The following MACROD2 variants were observed in gnomAD, a reference collection of about 807,000 sequenced individuals.
MACROD2 encodes the protein mono-ADP ribosylhydrolase 2.
In MACROD2, 36 loss-of-function variants were observed where a neutral mutation model predicts 70.4. The ratio of observed to expected loss-of-function variants is 0.51; its 90% CI spans 0.39 to 0.68. The LOEUF is 0.68. Ranked by LOEUF, MACROD2 falls within the 30% of genes least tolerant of loss-of-function variation. The pLI, the probability that MACROD2 is intolerant of heterozygous loss-of-function variation, is 0.00. For synonymous variants in MACROD2, 172 were observed against 178.8 expected, an observed-to-expected ratio of 0.96 and a Z score of 0.30; for missense variants, 496 against 538.4, an observed-to-expected ratio of 0.92 and a Z score of 0.78.
At chr20:14,481,478 G>A (rs34955232) in intron 3 of MACROD2, among the ~76,000 whole-genome samples, 22,758 of 151,994 alleles carry the variant, frequency 0.15, 2,415 homozygotes, top group Non-Finnish European at 0.22. Context: ...AAGGTATGGC[G>A]AAATATTTAA....
At chr20:14,413,747 A>AGG (rs2083773643) in intron 3 of MACROD2, among the ~76,000 whole-genome samples, 1 of 152,190 alleles carries the variant, frequency 6.6e-6, no homozygotes, top group South Asian at 2.1e-4. Context: ...AGAGTTCAGC[A>AGG]TGACAGAAGT....
chr20:15,651,312 C>G (rs1037024199), intron 8 of MACROD2, among the ~76,000 whole-genome samples: 1 of 152,158 alleles, frequency 6.6e-6, no homozygotes, highest in Non-Finnish European at 1.5e-5. Flanking sequence ...AAGCACAGCA[C>G]GCAAACTGCT....
intron 5 of MACROD2, among the ~76,000 whole-genome samples, chr20:14,967,622 T>G (rs1056960946): frequency 1.3e-4 from 20 of 152,210 alleles, no homozygotes; most frequent in African/African-American, 4.8e-4. Flanking sequence ...CAAATTAGAC[T>G]TAAATGTAAT....
chr20:15,655,695 A>G (rs1159173037), intron 8 of MACROD2, among the ~76,000 whole-genome samples: 1 of 152,206 alleles, frequency 6.6e-6, no homozygotes, highest in Non-Finnish European at 1.5e-5. Context: ...TTATTATTTA[A>G]TCTGTCAAGG....
chr20:14,859,100 G>A (rs2073286934), intron 5 of MACROD2, among the ~76,000 whole-genome samples: 1 of 151,964 alleles, frequency 6.6e-6, no homozygotes, highest in South Asian at 2.1e-4. Flanking sequence ...GGGGTGAGCG[G>A]TAAAAGACTA....
At chr20:14,019,777 G>A (rs2053047045) in intron 2 of MACROD2, among the ~76,000 whole-genome samples, 2 of 152,204 alleles carry the variant, frequency 1.3e-5, no homozygotes, top group South Asian at 2.1e-4. Flanking sequence ...TTTGCAATCC[G>A]AAAAGGCCAA....
chr20:15,494,282 C>T (rs1358534811), intron 7 of MACROD2, among the ~76,000 whole-genome samples: 7 of 152,056 alleles, frequency 4.6e-5, no homozygotes, highest in Non-Finnish European at 8.8e-5. Context: ...CAGAATCTCC[C>T]AGAGTCAAGC....
chr20:14,018,805 C>T (rs2053028454), intron 2 of MACROD2, among the ~76,000 whole-genome samples: 1 of 152,162 alleles, frequency 6.6e-6, no homozygotes, highest in Admixed American at 6.5e-5. Flanking sequence ...GGGCTTGCTG[C>T]CCAGTGTGCA....
At chr20:14,480,661 T>C (rs1455028526) in intron 3 of MACROD2, among the ~76,000 whole-genome samples, 4 of 152,212 alleles carry the variant, frequency 2.6e-5, no homozygotes, top group African/African-American at 9.6e-5. Flanking sequence ...AACTAATCTC[T>C]ATTATAGAAT....
At chr20:15,123,638 T>G (rs1161816036) in intron 5 of MACROD2, among the ~76,000 whole-genome samples, 1 of 152,108 alleles carries the variant, frequency 6.6e-6, no homozygotes, top group East Asian at 1.9e-4. Context: ...CTAAAAAAAT[T>G]GAAATCACGT....
chr20:15,453,767 C>G (rs1333904144), intron 7 of MACROD2, among the ~76,000 whole-genome samples: 1 of 152,154 alleles, frequency 6.6e-6, no homozygotes, highest in African/African-American at 2.4e-5. Flanking sequence ...TTCTCCTGTC[C>G]TAAAAAGCAC....
At chr20:15,106,379 G>A (rs1426929350) in intron 5 of MACROD2, among the ~76,000 whole-genome samples, 1 of 151,894 alleles carries the variant, frequency 6.6e-6, no homozygotes, top group African/African-American at 2.4e-5. Flanking sequence ...TTAGTTTCTC[G>A]GTAAGCTTTC....
chr20:14,047,023 C>T (rs899685030), intron 2 of MACROD2, among the ~76,000 whole-genome samples: 1 of 151,906 alleles, frequency 6.6e-6, no homozygotes, highest in Non-Finnish European at 1.5e-5. Flanking sequence ...AATGAATACC[C>T]TTACAAATAT....
chr20:15,104,086 T>A (rs2075893184), intron 5 of MACROD2, among the ~76,000 whole-genome samples: 1 of 151,850 alleles, frequency 6.6e-6, no homozygotes, highest in Non-Finnish European at 1.5e-5. Context: ...GTTGAAATAG[T>A]GAAGAGAAAG....
At chr20:14,635,211 C>T (rs1984724315) in intron 4 of MACROD2, among the ~76,000 whole-genome samples, 1 of 152,178 alleles carries the variant, frequency 6.6e-6, no homozygotes, top group African/African-American at 2.4e-5. Flanking sequence ...TCAGAGGCCC[C>T]TGGAGAGGCA....
intron 6 of MACROD2, among the ~76,000 whole-genome samples, chr20:15,334,035 A>C (rs1281888004): frequency 6.6e-6 from 1 of 151,676 alleles, no homozygotes; most frequent in Non-Finnish European, 1.5e-5. Context: ...GTCCTCAGTT[A>C]TCATTCTCTC....
intron 10 of MACROD2, among the ~76,000 whole-genome samples, chr20:15,929,169 T>C (rs1304708402): frequency 1.3e-5 from 2 of 152,192 alleles, no homozygotes; most frequent in African/African-American, 4.8e-5. Context: ...TGTGAGTTGC[T>C]TGGGCTTGGT....
intron 8 of MACROD2, among the ~76,000 whole-genome samples, chr20:15,857,861 C>T (rs866043988): frequency 3.3e-5 from 5 of 152,216 alleles, no homozygotes; most frequent in Middle Eastern, 3.4e-3. Context: ...GAACTAGTGA[C>T]AGGCCTAGAA....
At chr20:15,013,682 A>C (rs2075100111) in intron 5 of MACROD2, among the ~76,000 whole-genome samples, 1 of 152,156 alleles carries the variant, frequency 6.6e-6, no homozygotes, top group African/African-American at 2.4e-5. Flanking sequence ...TTGAGGTTGC[A>C]TTGCAGCTCC....
Sources: gnomAD v4.1 joint callset for allele counts (sites outside exome capture counted in the v4.1 genomes callset) on GRCh38, gnomAD v4.1.1 for gene constraint, MANE v1.5 for transcripts, NCBI Gene and HGNC (gene_info 2026-07-23, HGNC 2026-07-21) for gene names.